Variants in EPB41L5 observed in about 807,000 individuals in gnomAD.
EPB41L5 encodes band 4.1-like protein 5.
In EPB41L5, 55 loss-of-function variants were observed where a neutral mutation model predicts 106.6. The ratio of observed to expected loss-of-function variants is 0.52; its 90% CI spans 0.42 to 0.65. The LOEUF is 0.65. EPB41L5 is among the 30% of genes least tolerant of loss of function. EPB41L5 has a pLI of 0.00. For synonymous variants in EPB41L5, 297 were observed against 306.7 expected, an observed-to-expected ratio of 0.97 and a Z score of 0.33; for missense variants, 871 against 882.1, an observed-to-expected ratio of 0.99 and a Z score of 0.16.
At chr2:120,103,312 A>G (rs1195068727) in intron 16 of EPB41L5, among the ~76,000 whole-genome samples, 1 of 152,178 alleles carries the variant, frequency 6.6e-6, no homozygotes, top group Non-Finnish European at 1.5e-5. Context: ...GCATGTATGC[A>G]TGTTTCACTC....
chr2:120,016,527 C>T (rs1677539209), intron 1 of EPB41L5, among the ~76,000 whole-genome samples: 1 of 152,002 alleles, frequency 6.6e-6, no homozygotes, highest in Non-Finnish European at 1.5e-5. Flanking sequence ...TTCTTTTTTA[C>T]ACTATCTTGA....
In EPB41L5 at chr2:120,070,942, G is replaced by A. The variant is rs139060279; in HGVS notation, c.286-2236G>A. The stretch of plus-strand genomic sequence containing the variant: ...AATACTGGCACAAAACAAGGATGCC[G>A]TCTCTCACCACTCCTATTCAGCATA... On this transcript the variant is annotated intron_variant, in intron 3 of 24. Transcript: ENST00000263713. 6.0e-3 allele frequency among the ~76,000 whole-genome samples: 915 copies of A among 152,204 alleles called. 6 individuals are homozygous for A. Among genetic ancestry groups the A allele is most frequent in the African/African-American group, 0.015 (613 of 41,536 alleles).
At chr2:120,022,507 G>A (rs552655969) in intron 2 of EPB41L5, among the ~76,000 whole-genome samples, 50 of 152,234 alleles carry the variant, frequency 3.3e-4, no homozygotes, top group African/African-American at 1.2e-3. Context: ...TGCAAAGGAC[G>A]TGAACTCATC....
In EPB41L5 at chr2:120,167,883, G is replaced by T; in HGVS notation, c.2011G>T (p.Gly671Cys). The T allele has an allele frequency of 3.1e-6, 5 of 1,614,112 alleles. No homozygotes were observed. Among genetic ancestry groups the T allele is most frequent in the Non-Finnish European group, 4.2e-6 (5 of 1,179,998 alleles). Residue 671 changes from glycine to cysteine, a missense_variant, in exon 24 of 25, where the codon GGT (glycine) becomes TGT (cysteine). Transcript: ENST00000263713. ...ITPRWIVPQSGAMSNGLAGCE... is the reference protein window; with the variant it reads ...ITPRWIVPQSCAMSNGLAGCE... ...GTGTGTGTATCTCCCACAGCAGAGTGGTGCCATGTCTAATGGACTTGCGGG... is the reference window on the plus strand; with the variant it reads ...GTGTGTGTATCTCCCACAGCAGAGTTGTGCCATGTCTAATGGACTTGCGGG...
intron 16 of EPB41L5, chr2:120,106,145 C>T: frequency 2.0e-6 from 2 of 985,262 alleles, no homozygotes; most frequent in Non-Finnish European, 2.4e-6. Context: ...AGGGAAGATT[C>T]ACCTCATGAT....
intron 11 of EPB41L5, among the ~76,000 whole-genome samples, chr2:120,087,499 C>T (rs1683135375): frequency 6.6e-6 from 1 of 152,082 alleles, no homozygotes; most frequent in Non-Finnish European, 1.5e-5. Context: ...TAAAAAATTA[C>T]ATTTAAGTGA....
In EPB41L5 at chr2:120,077,238, A is replaced by G. The variant is rs768798465; in HGVS notation, c.636A>G (p.Thr212=). The part of the protein sequence containing the change: ...FEKWKEYRGQ[T]PAQAETNYLN... ...TTGTTTTAAATTTCAGAGGTCAAAC[A>G]CCAGCACAGGCTGAAACCAATTATC... Residue 212 remains threonine (T), a synonymous_variant, in exon 9 of 25, where the codon ACA becomes ACG. Transcript: ENST00000263713. The G allele has an allele frequency of 1.2e-6, 2 of 1,610,118 alleles. No individual in the cohort carries two copies. The highest frequency in any genetic ancestry group is 1.7e-6 in the Non-Finnish European group (2 of 1,177,820).
chr2:120,038,652 G>T (rs917687047), intron 2 of EPB41L5, among the ~76,000 whole-genome samples: 6 of 152,214 alleles, frequency 3.9e-5, no homozygotes, highest in African/African-American at 1.4e-4. Flanking sequence ...TACTTGGAAG[G>T]CTGAGGCATG....
intron 2 of EPB41L5, among the ~76,000 whole-genome samples, chr2:120,022,950 CAT>C (rs1230279208): frequency 1.3e-5 from 2 of 152,100 alleles, no homozygotes; most frequent in Non-Finnish European, 1.5e-5. Context: ...AGCTTTTTTT[CAT>C]ATGTTTGTTG....
intron 1 of EPB41L5, among the ~76,000 whole-genome samples, chr2:120,018,622 A>G (rs1258836104): frequency 6.6e-6 from 1 of 151,580 alleles, no homozygotes; most frequent in East Asian, 1.9e-4. Context: ...TTTCAAATTT[A>G]CTTGACCAGG....
intron 1 of EPB41L5, among the ~76,000 whole-genome samples, chr2:120,014,517 A>C (rs1185349025): frequency 2.0e-5 from 3 of 152,206 alleles, no homozygotes; most frequent in African/African-American, 7.2e-5. Context: ...CAGATATTTA[A>C]TTACAATTTC....
intron 14 of EPB41L5, among the ~76,000 whole-genome samples, chr2:120,096,941 T>TG (rs1278685707): frequency 1.3e-5 from 2 of 152,252 alleles, no homozygotes; most frequent in East Asian, 3.8e-4. Flanking sequence ...AGTGAGTACC[T>TG]GCTAAAGTTA....
intron 3 of EPB41L5, among the ~76,000 whole-genome samples, chr2:120,066,291 C>T (rs575095623): frequency 5.3e-5 from 8 of 151,910 alleles, no homozygotes; most frequent in East Asian, 1.9e-4. Flanking sequence ...TTCAACCAGC[C>T]GAGAGATAAC....
At chr2:120,137,708 T>C (rs993262592) in intron 18 of EPB41L5, among the ~76,000 whole-genome samples, 3 of 151,990 alleles carry the variant, frequency 2.0e-5, no homozygotes, top group Non-Finnish European at 4.4e-5. Context: ...GAAGCTGTAA[T>C]AAAAAGTCTC....
At chr2:120,086,748 C>G (rs1207234887) in intron 10 of EPB41L5, among the ~76,000 whole-genome samples, 1 of 152,062 alleles carries the variant, frequency 6.6e-6, no homozygotes, top group Non-Finnish European at 1.5e-5. Flanking sequence ...CTCAAACAAA[C>G]AAAAAGAGTT....
intron 4 of EPB41L5, 73 bp downstream of exon 4, chr2:120,073,293 A>C (rs1479555262): frequency 8.1e-7 from 1 of 1,237,506 alleles, no homozygotes; most frequent in Non-Finnish European, 1.2e-6. Context: ...TTCTAATAGG[A>C]TGTAAGAAAT....
At chr2:120,071,195 CAG>C (rs1320361842) in intron 3 of EPB41L5, among the ~76,000 whole-genome samples, 1 of 152,094 alleles carries the variant, frequency 6.6e-6, no homozygotes, top group Non-Finnish European at 1.5e-5. Flanking sequence ...ACACCAATAA[CAG>C]AGAGCCAAAT....
chr2:120,110,165 T>C (rs1684654555), intron 16 of EPB41L5, among the ~76,000 whole-genome samples: 1 of 152,212 alleles, frequency 6.6e-6, no homozygotes, highest in Non-Finnish European at 1.5e-5. Context: ...ACAGTCCATC[T>C]TTTAGTCAGC....
chr2:120,133,627 C>T (rs1056837696), intron 18 of EPB41L5, among the ~76,000 whole-genome samples: 9 of 152,146 alleles, frequency 5.9e-5, no homozygotes, highest in South Asian at 2.1e-4. Flanking sequence ...GCTAGCCCAC[C>T]GCTGTGGGCT....
Sources: gnomAD v4.1 joint callset for allele counts (sites outside exome capture counted in the v4.1 genomes callset) on GRCh38, gnomAD v4.1.1 for gene constraint, MANE v1.5 for transcripts, NCBI Gene and HGNC (gene_info 2026-07-23, HGNC 2026-07-21) for gene names.